TMEM181: variants seen among roughly 807,000 people sequenced by gnomAD.
TMEM181 encodes G protein-coupled receptor 178.
A neutral mutation model predicts 71.9 loss-of-function variants in TMEM181; 39 were observed. That is an observed-to-expected ratio of 0.54 (90% CI 0.42 to 0.71). The LOEUF (loss-of-function observed/expected upper bound fraction) is 0.71, where lower values mean the gene tolerates loss of function less well. Among genes scored for constraint, TMEM181 ranks in the 30% least tolerant of loss-of-function variants. The pLI, the probability that TMEM181 is intolerant of heterozygous loss-of-function variation, is 0.00. For synonymous variants in TMEM181, 245 were observed against 228.8 expected (o/e 1.07, Z -0.64); for missense variants, 595 against 583.0 (o/e 1.02, Z -0.21).
chr6:158,609,251 C>T (rs181627973), intron 10 of TMEM181, among the ~76,000 whole-genome samples: 18 of 152,258 alleles, frequency 1.2e-4, no homozygotes, highest in African/African-American at 3.4e-4. Context: ...TAACTATCTG[C>T]GGTCTTGGAT....
rs751348802 is a variant in TMEM181, at chr6:158,623,537, T to C, written c.897-13T>C. On this transcript the variant is annotated splice_polypyrimidine_tract_variant and intron_variant, in intron 10 of 16. Coordinates refer to ENST00000684151, the MANE Select transcript of TMEM181 (RefSeq NM_001376852.1). ...GTTATTAATCTATAATTATTTATAA[T>C]GTCAATTTTTAGAGTTAACGAATTA... 6.7e-7 allele frequency: 1 copy of C among 1,497,580 alleles called. No individual in the cohort carries two copies. The highest frequency in any genetic ancestry group is 9.1e-7 in the Non-Finnish European group (1 of 1,103,184). 92.8% of individuals were successfully genotyped at this position (1,497,580 alleles called of 1,614,324 possible).
Position 158,536,708 on chromosome 6 carries a change from G to A in TMEM181, c.-27G>A. 2.6e-6 allele frequency: 4 copies of A among 1,550,984 alleles called. No individual in the cohort carries two copies. The South Asian group carries it at 3.5e-5, about 14-fold the overall frequency. On this transcript the variant is annotated 5_prime_UTR_variant, in exon 1 of 17. Transcript: ENST00000367090. ...CGGCGACACAAAGGGTGGAGCGGCGGGACCGGGACCCGGGAGGCTGCGCGG... is the reference window on the plus strand; with the variant it reads ...CGGCGACACAAAGGGTGGAGCGGCGAGACCGGGACCCGGGAGGCTGCGCGG...
intron 6 of TMEM181, among the ~76,000 whole-genome samples, chr6:158,603,064 T>C (rs933553999): frequency 2.6e-5 from 4 of 152,216 alleles, no homozygotes; most frequent in Admixed American, 6.5e-5. Context: ...TCGTTTCTTG[T>C]GCTTGGCCAT....
intron 11 of TMEM181, 65 bp from the exon 12 acceptor site, chr6:158,625,039 G>A: frequency 8.0e-7 from 1 of 1,246,972 alleles, no homozygotes; most frequent in Non-Finnish European, 1.2e-6. Context: ...TGCCTGTGGT[G>A]GTGCTGGGAG....
rs559720765 is a variant in TMEM181, at chr6:158,614,098, G to T, written c.896+5348G>T. Reference sequence around the variant, plus strand: ...ATTATTCCCTCAAATAAAACCTATTGGACATTATCTTGACAATTTCATGTA... The same window carrying T: ...ATTATTCCCTCAAATAAAACCTATTTGACATTATCTTGACAATTTCATGTA... On this transcript the variant is annotated intron_variant, in intron 10 of 16. Transcript: ENST00000684151. 1.6e-4 allele frequency among the ~76,000 whole-genome samples: 25 copies of T among 152,162 alleles called. No individual in the cohort carries two copies. In the South Asian group the frequency reaches 4.6e-3, roughly 28 times the overall value.
At chr6:158,547,313 A>G (rs1044119772) in intron 1 of TMEM181, among the ~76,000 whole-genome samples, 2 of 152,196 alleles carry the variant, frequency 1.3e-5, no homozygotes, top group African/African-American at 2.4e-5. Context: ...ACAGACGCCT[A>G]AGCCCTGCTT....
chr6:158,612,599 T>G (rs1387989440), intron 10 of TMEM181, among the ~76,000 whole-genome samples: 3 of 152,236 alleles, frequency 2.0e-5, no homozygotes, highest in African/African-American at 4.8e-5. Flanking sequence ...TTCATTTGGT[T>G]GTTTTGGTAT....
intron 10 of TMEM181, among the ~76,000 whole-genome samples, chr6:158,613,879 G>C (rs1785466119): frequency 6.6e-6 from 1 of 152,190 alleles, no homozygotes; most frequent in Non-Finnish European, 1.5e-5. Flanking sequence ...TTTAAGACAA[G>C]TTTCCTTGAC....
At chr6:158,592,147 T>A (rs1017960215) in intron 6 of TMEM181, among the ~76,000 whole-genome samples, 18 of 152,196 alleles carry the variant, frequency 1.2e-4, no homozygotes, top group African/African-American at 4.3e-4. Flanking sequence ...TTTTTGTACA[T>A]TTCGTTTCCC....
At chr6:158,619,545 C>T (rs1274488510) in intron 10 of TMEM181, among the ~76,000 whole-genome samples, 3 of 151,988 alleles carry the variant, frequency 2.0e-5, no homozygotes, top group African/African-American at 7.2e-5. Context: ...GAAGGAGAGA[C>T]CTAGGGAGGG....
chr6:158,576,844 C>T (rs780975657), intron 2 of TMEM181, among the ~76,000 whole-genome samples: 6 of 152,008 alleles, frequency 3.9e-5, no homozygotes, highest in East Asian at 3.9e-4. Context: ...GGGTGGATCA[C>T]GACGTCAGGA....
chr6:158,594,120 T>TTTTTTTTTTTTC (rs1554309324), intron 6 of TMEM181, among the ~76,000 whole-genome samples: 1 of 139,694 alleles, frequency 7.2e-6, no homozygotes, highest in African/African-American at 2.8e-5. Context: ...TTTTTTTTTT[T>TTTTTTTTTTTTC]CTGAGACAGA....
intron 2 of TMEM181, among the ~76,000 whole-genome samples, chr6:158,575,881 A>C (rs1208901208): frequency 1.3e-5 from 2 of 152,372 alleles, no homozygotes; most frequent in East Asian, 3.9e-4. Context: ...GAGGCAGCCC[A>C]GAAAAACTGA....
chr6:158,625,855 C>A, intron 13 of TMEM181, 101 bp downstream of exon 13: 1 of 1,079,102 alleles, frequency 9.3e-7, no homozygotes. Context: ...CAGGGTACTT[C>A]TAGCCCAGTA....
chr6:158,575,630 T>C (rs971081661), intron 2 of TMEM181, among the ~76,000 whole-genome samples: 5 of 152,188 alleles, frequency 3.3e-5, no homozygotes, highest in African/African-American at 1.2e-4. Context: ...GTCTAGATTT[T>C]TCTGATTCCC....
Position 158,632,049 on chromosome 6 carries a change from T to G in TMEM181, c.*161T>G, listed in dbSNP as rs1786696624. On this transcript the variant is annotated 3_prime_UTR_variant, in exon 17 of 17. Coordinates refer to ENST00000684151, the MANE Select transcript of TMEM181 (RefSeq NM_001376852.1). ...AGGAAAACCAAAACTGAGGGTAAATTTAAATGTTTAGCCAAATTTATTGTC... is the reference window on the plus strand; with the variant it reads ...AGGAAAACCAAAACTGAGGGTAAATGTAAATGTTTAGCCAAATTTATTGTC... 1 of 706,966 alleles carries G rather than the reference T, an allele frequency of 1.4e-6. No homozygotes were observed. Among genetic ancestry groups the G allele is most frequent in the African/African-American group, 1.8e-5 (1 of 55,912 alleles). 43.8% of individuals were successfully genotyped at this position (706,966 alleles called of 1,614,324 possible). A position where few individuals can be genotyped will look rare whatever the true frequency, so the allele number is the denominator to read the frequency against.
chr6:158,630,059 C>A (rs1786574124), intron 15 of TMEM181, among the ~76,000 whole-genome samples: 1 of 152,194 alleles, frequency 6.6e-6, no homozygotes, highest in African/African-American at 2.4e-5. Flanking sequence ...TAGTGTCAGT[C>A]CCCAGCTTTT....
chr6:158,566,659 G>A (rs1265846855), intron 1 of TMEM181, among the ~76,000 whole-genome samples: 1 of 149,276 alleles, frequency 6.7e-6, no homozygotes, highest in African/African-American at 2.5e-5. Context: ...AGGTGATGGG[G>A]TGAGGGAGGT....
chr6:158,577,950 C>T (rs750441889), intron 2 of TMEM181, among the ~76,000 whole-genome samples: 1 of 152,032 alleles, frequency 6.6e-6, no homozygotes, highest in East Asian at 1.9e-4. Context: ...ATTAGCCAGG[C>T]GTGGTGGCAC....
Sources: allele counts gnomAD v4.1 joint callset (sites outside exome capture counted in the v4.1 genomes callset), GRCh38; gene constraint gnomAD v4.1.1; transcripts MANE v1.5; gene names NCBI Gene and HGNC (gene_info 2026-07-23, HGNC 2026-07-21).